SLC66A1: variants seen among roughly 807,000 people sequenced by gnomAD.
The protein encoded by SLC66A1 is solute carrier family 66 member 1.
In SLC66A1, 23 loss-of-function variants were observed where a neutral mutation model predicts 33.0. That is an observed-to-expected ratio of 0.70 (90% CI 0.50 to 0.99). The LOEUF (loss-of-function observed/expected upper bound fraction) is 0.99. Among genes scored for constraint, SLC66A1 ranks in the 50% least tolerant of loss-of-function variants. The pLI is 0.00. For missense variants in SLC66A1, 335 were observed against 383.6 expected, an observed-to-expected ratio of 0.87 and a Z score of 1.06; for synonymous variants, 164 against 175.5, an observed-to-expected ratio of 0.93 and a Z score of 0.52.
At position 19,328,612 on chromosome 1, in the gene SLC66A1, C is replaced by T. The variant is rs1313728521; in HGVS notation, c.845C>T (p.Ala282Val). The change falls in exon 8 of 8, where the codon GCC (alanine) becomes GTC (valine). Residue 282 changes from alanine to valine, a missense_variant. By Grantham distance (64) the Ala-to-Val change is moderately conservative (BLOSUM62 0). Transcript: ENST00000375153. The surrounding 1 kb of genome is among the most constrained non-coding windows in gnomAD (Gnocchi z 4.7). Reference sequence around the variant, plus strand: ...CTGGTGTACAGGCGCAGCACCGCCGCCTCGGAGCTTGAGCCCCTCCTCCCC... The same window carrying T: ...CTGGTGTACAGGCGCAGCACCGCCGTCTCGGAGCTTGAGCCCCTCCTCCCC... ...QFLVYRRSTA[A>V]SELEPLLPS is the part of the protein sequence containing the mutation. The T allele has an allele frequency of 6.2e-7, 1 of 1,613,728 alleles. No individual in the cohort carries two copies. The highest frequency in any genetic ancestry group is 1.3e-5 in the African/African-American group (1 of 74,946).
chr1:19,325,370 A>G, intron 3 of SLC66A1, 125 bp from the exon 4 acceptor site: 1 of 659,314 alleles, frequency 1.5e-6, no homozygotes, highest in East Asian at 2.7e-5. Flanking sequence ...ATAAGGAAAC[A>G]GAAGCTCAGA....
downstream of SLC66A1, among the ~76,000 whole-genome samples, chr1:19,334,038 GC>G (rs2093898731): frequency 6.6e-6 from 1 of 152,146 alleles, no homozygotes; most frequent in Admixed American, 6.5e-5. Flanking sequence ...ACTCCTCCAG[GC>G]CCCCAGCCTG....
At chr1:19,332,771 C>T (rs535655062), downstream of SLC66A1, among the ~76,000 whole-genome samples, 1 of 152,272 alleles carries the variant, frequency 6.6e-6, no homozygotes, top group Admixed American at 6.5e-5. Context: ...TCCTGCAGGT[C>T]ATGGGATGGC....
chr1:19,328,496 C>T lies in SLC66A1; in HGVS notation c.805-76C>T. 7.2e-7 allele frequency: 1 copy of T among 1,395,520 alleles called. No individual in the cohort carries two copies. Among genetic ancestry groups the T allele is most frequent in the Non-Finnish European group, 9.9e-7 (1 of 1,006,754 alleles). The allele number at this position is 1,395,520 out of a possible 1,614,324, so 86.4% of individuals were successfully genotyped here. A position where few individuals can be genotyped will look rare whatever the true frequency, so the allele number is the denominator to read the frequency against. On this transcript the variant is annotated intron_variant, in intron 7 of 7. Coordinates refer to ENST00000375153, the MANE Select transcript of SLC66A1 (RefSeq NM_001040125.2). This position sits in a 1 kb window ranked among gnomAD's most constrained non-coding sequence, Gnocchi z 4.7. ...GGAGGGAGGGGAGAGGGAGGCAGCT[C>T]CCAGGAGTCGAAGGCCCCCAGGGGC...
chr1:19,331,648 G>A (rs755168132), downstream of SLC66A1, among the ~76,000 whole-genome samples: 3 of 152,212 alleles, frequency 2.0e-5, no homozygotes, highest in Non-Finnish European at 4.4e-5. Flanking sequence ...GCCCTGGCCT[G>A]TGCCTGCCTC....
Position 19,324,763 on chromosome 1 carries a change from G to A in SLC66A1, c.294+1G>A, listed in dbSNP as rs369671513. 143 of 1,613,846 alleles carry A rather than the reference G, an allele frequency of 8.9e-5. No homozygotes were observed. The highest frequency in any genetic ancestry group is 1.2e-4 in the Non-Finnish European group (143 of 1,179,930). On this transcript the variant is annotated splice_donor_variant, in intron 3 of 7. Coordinates refer to ENST00000375153, the MANE Select transcript of SLC66A1 (RefSeq NM_001040125.2). LOFTEE classifies it high-confidence loss of function. ...CCTTGCTGACCAGCTGCCCCTGCAGGTGGGCCGGTACCCGGGCAAGGTGGC... is the reference window on the plus strand; with the variant it reads ...CCTTGCTGACCAGCTGCCCCTGCAGATGGGCCGGTACCCGGGCAAGGTGGC...
rs1186538627 is a variant in SLC66A1, at chr1:19,329,023, G to A, written c.*380G>A. ...TGTAATCCTAGCACTTTGGGAGGCCGAAGCGGGTGGACCACTTGACGTCCG... is the reference window on the plus strand; with the variant it reads ...TGTAATCCTAGCACTTTGGGAGGCCAAAGCGGGTGGACCACTTGACGTCCG... On this transcript the variant is annotated 3_prime_UTR_variant, in exon 8 of 8. Transcript: ENST00000375153. 7 of 238,988 alleles carry A rather than the reference G, an allele frequency of 2.9e-5. No homozygotes were observed. The highest frequency in any genetic ancestry group is 2.3e-4 in the East Asian group (2 of 8,640). 14.8% of individuals were successfully genotyped at this position (238,988 alleles called of 1,614,324 possible).
At chr1:19,323,853 G>C (rs1056022652) in intron 2 of SLC66A1, among the ~76,000 whole-genome samples, 1 of 152,172 alleles carries the variant, frequency 6.6e-6, no homozygotes, top group African/African-American at 2.4e-5. Flanking sequence ...GGTATGGCAC[G>C]GCTTCCTCCA....
chr1:19,329,759 T>C (rs1019496807), downstream of SLC66A1, among the ~76,000 whole-genome samples: 1 of 152,140 alleles, frequency 6.6e-6, no homozygotes, highest in Non-Finnish European at 1.5e-5. Flanking sequence ...TTTTGAGGAC[T>C]TTTAGTTGGA....
At position 19,313,149 on chromosome 1, in the gene SLC66A1, C is replaced by T. The variant is rs985678753; in HGVS notation, c.-79+260C>T. On this transcript the variant is annotated intron_variant, in intron 1 of 7. Coordinates refer to ENST00000375153, the MANE Select transcript of SLC66A1 (RefSeq NM_001040125.2). ...CCTAGGTGGTGGGTATTGCATTATTCCCCTACTTTTCAGATGAGAACTACG... is the reference window on the plus strand; with the variant it reads ...CCTAGGTGGTGGGTATTGCATTATTTCCCTACTTTTCAGATGAGAACTACG... 5.1e-6 allele frequency: 5 copies of T among 971,912 alleles called. No homozygotes were observed. The South Asian group carries it at 1.9e-4, about 37-fold the overall frequency. 60.2% of individuals were successfully genotyped at this position (971,912 alleles called of 1,614,324 possible). A position where few individuals can be genotyped will look rare whatever the true frequency, so the allele number is the denominator to read the frequency against.
At chr1:19,329,725 T>C (rs1240346218), downstream of SLC66A1, among the ~76,000 whole-genome samples, 2 of 152,302 alleles carry the variant, frequency 1.3e-5, no homozygotes, top group Non-Finnish European at 2.9e-5. Flanking sequence ...ATCTGGCGCA[T>C]AGTAAGGGCT....
chr1:19,317,971 C>T, intron 2 of SLC66A1, 130 bp downstream of exon 2: 1 of 1,381,086 alleles, frequency 7.2e-7, no homozygotes, highest in Non-Finnish European at 9.8e-7. Flanking sequence ...GGTGTGTTCC[C>T]TCGACAGGGA....
At chr1:19,323,529 C>T (rs966839843) in intron 2 of SLC66A1, among the ~76,000 whole-genome samples, 1 of 152,180 alleles carries the variant, frequency 6.6e-6, no homozygotes, top group Non-Finnish European at 1.5e-5. Context: ...CCCTCAGCCT[C>T]CTGAACAGCT....
chr1:19,326,499 C>T (rs532174583), intron 5 of SLC66A1, 32 bp from the exon 6 acceptor site: 36 of 1,613,760 alleles, frequency 2.2e-5, no homozygotes, highest in Admixed American at 6.7e-5. Flanking sequence ...CTGGCTCCTA[C>T]GAGACACCAA....
At chr1:19,318,119 T>G in intron 2 of SLC66A1, among the ~76,000 whole-genome samples, 1 of 152,184 alleles carries the variant, frequency 6.6e-6, no homozygotes. Context: ...TCTACCTCAT[T>G]TAATCCTCAC....
Position 19,324,738 on chromosome 1 carries a change from C to T in SLC66A1, c.270C>T (p.Phe90=). 1 of 1,614,176 alleles carries T rather than the reference C, an allele frequency of 6.2e-7. No homozygotes were observed. Among genetic ancestry groups the T allele is most frequent in the Non-Finnish European group, 8.5e-7 (1 of 1,180,012 alleles). The change falls in exon 3 of 8, where the codon TTC becomes TTT. Residue 90 remains phenylalanine (F), a synonymous_variant. Coordinates refer to ENST00000375153, the MANE Select transcript of SLC66A1 (RefSeq NM_001040125.2). Reference sequence around the variant, plus strand: ...ACTCCTGCAACCTCATCGGCTCCTTCCTTGCTGACCAGCTGCCCCTGCAGG... The same window carrying T: ...ACTCCTGCAACCTCATCGGCTCCTTTCTTGCTGACCAGCTGCCCCTGCAGG... ...GGDSCNLIGS[F]LADQLPLQTY... is the part of the protein sequence containing the mutation.
chr1:19,322,582 G>A (rs188574416), intron 2 of SLC66A1, among the ~76,000 whole-genome samples: 79 of 152,218 alleles, frequency 5.2e-4, no homozygotes, highest in African/African-American at 1.8e-3. Context: ...GGAGGGACGG[G>A]GATGTCAAGT....
intron 2 of SLC66A1, among the ~76,000 whole-genome samples, chr1:19,320,632 G>A (rs569977894): frequency 3.6e-4 from 55 of 151,690 alleles, no homozygotes; most frequent in African/African-American, 1.0e-3. Flanking sequence ...AGCCAGGATG[G>A]TCTCGATTTC....
Position 19,328,566 on chromosome 1 carries a change from C to G in SLC66A1, c.805-6C>G, listed in dbSNP as rs746961996. 6.2e-7 allele frequency: 1 copy of G among 1,612,682 alleles called. No homozygotes were observed. The highest frequency in any genetic ancestry group is 1.7e-5 in the Admixed American group (1 of 59,904). On this transcript the variant is annotated splice_polypyrimidine_tract_variant and splice_region_variant and intron_variant, in intron 7 of 7. Coordinates refer to ENST00000375153, the MANE Select transcript of SLC66A1 (RefSeq NM_001040125.2). This position sits in a 1 kb window ranked among gnomAD's most constrained non-coding sequence, Gnocchi z 4.7. ...CTCAGCTTGGCCTTAACGGCGGCAC[C>G]CCCAGATCTCCATCCAGTTCCTGGT...
Sources: allele counts gnomAD v4.1 joint callset (sites outside exome capture counted in the v4.1 genomes callset), GRCh38; gene constraint gnomAD v4.1.1; non-coding constraint Gnocchi (gnomAD v3.1); transcripts MANE v1.5; gene names NCBI Gene and HGNC (gene_info 2026-07-23, HGNC 2026-07-21).